Variants in DNAH17 observed in about 807,000 individuals in gnomAD.
DNAH17 encodes the protein axonemal beta dynein heavy chain 17.
DNAH17 carries 376 observed loss-of-function variants against 485.6 expected under a neutral mutation model. That is an observed-to-expected ratio of 0.77 (90% CI 0.71 to 0.84). The LOEUF (loss-of-function observed/expected upper bound fraction) is 0.84. DNAH17 is among the 40% of genes least tolerant of loss of function. The pLI, the probability that DNAH17 is intolerant of heterozygous loss-of-function variation, is 0.00. For synonymous variants in DNAH17, 3,031 were observed against 2,405.9 expected (o/e 1.26, Z -7.60); for missense variants, 6,370 against 5,839.3 (o/e 1.09, Z -2.96).
chr17:78,494,521 C>G, intron 40 of DNAH17, 72 bp downstream of exon 40: 3 of 1,502,408 alleles, frequency 2.0e-6, no homozygotes, highest in Non-Finnish European at 2.8e-6. Flanking sequence ...CTCCACCCGT[C>G]CAACATCAGT....
Position 78,486,300 on chromosome 17 carries a change from GA to G in DNAH17, c.7024del (p.Ser2342ProfsTer110), listed in dbSNP as rs2089606323. 6.2e-7 allele frequency: 1 copy of G among 1,612,838 alleles called. No individual in the cohort carries two copies. ...LLTEKTVPPD[S>X]PRELYELYFV... is the part of the protein sequence containing the mutation. Reference sequence around the variant, plus strand: ...GTACAGCTCGTACAGCTCCCTGGGGGAGTCGGGGGGCACGGTCTTCTCCGTG... The same window carrying G: ...GTACAGCTCGTACAGCTCCCTGGGGGGTCGGGGGGCACGGTCTTCTCCGTG... On this transcript the variant is annotated frameshift_variant, in exon 45 of 81. Coordinates refer to ENST00000389840, the MANE Select transcript of DNAH17 (RefSeq NM_173628.4). LOFTEE classifies it high-confidence loss of function.
chr17:78,522,126 A>C, intron 25 of DNAH17: 1 of 157,478 alleles, frequency 6.4e-6, no homozygotes, highest in South Asian at 1.8e-4. Flanking sequence ...AGAACGCTCA[A>C]AATTTAACAG....
At chr17:78,548,036 T>C (rs2091811914) in intron 16 of DNAH17, among the ~76,000 whole-genome samples, 1 of 152,210 alleles carries the variant, frequency 6.6e-6, no homozygotes, top group Non-Finnish European at 1.5e-5. Flanking sequence ...CTCCGTTTAA[T>C]ATATCCACTG....
In DNAH17 at chr17:78,484,851, G is replaced by C; in HGVS notation, c.7649+17C>G. On this transcript the variant is annotated intron_variant, in intron 48 of 80. Transcript: ENST00000389840. Reference sequence around the variant, plus strand: ...CCCCGGGGCCACGCCTTCCCCTCCGGCCCCGCCCCGTCTAACCAGTGCCGG... The same window carrying C: ...CCCCGGGGCCACGCCTTCCCCTCCGCCCCCGCCCCGTCTAACCAGTGCCGG... The C allele has an allele frequency of 6.6e-7, 1 of 1,525,748 alleles. No individual in the cohort carries two copies. The highest frequency in any genetic ancestry group is 8.8e-7 in the Non-Finnish European group (1 of 1,134,562). The allele number at this position is 1,525,748 out of a possible 1,614,324, so 94.5% of individuals were successfully genotyped here.
chr17:78,470,312 C>T (rs1410764159), intron 54 of DNAH17, among the ~76,000 whole-genome samples: 1 of 150,704 alleles, frequency 6.6e-6, no homozygotes, highest in Non-Finnish European at 1.5e-5. Context: ...AAGTGATCTG[C>T]CCACCTCGGC....
Position 78,428,678 on chromosome 17 carries a change from C to T in DNAH17, c.12435G>A (p.Leu4145=), listed in dbSNP as rs2086567611. ...KGYHEYIDEN[L]PPESPYLYGL... ...CATACAGATAGGGACTCTCAGGGGG[C>T]AGGTTCTCATCGATGTATTCGTGGT... The change falls in exon 77 of 81, where the codon CTG becomes CTA. Residue 4145 remains leucine (L), a synonymous_variant. Transcript: ENST00000389840. The T allele has an allele frequency of 6.2e-7, 1 of 1,613,964 alleles. No individual in the cohort carries two copies. The highest frequency in any genetic ancestry group is 8.5e-7 in the Non-Finnish European group (1 of 1,179,902).
rs1488384367 is a variant in DNAH17 at position 78,428,432 on chromosome 17, G to C, written c.12588+93C>G. The C allele has an allele frequency of 7.6e-6, 11 of 1,453,908 alleles. No individual in the cohort carries two copies. The East Asian group carries it at 2.5e-4, about 33-fold the overall frequency. The allele number at this position is 1,453,908 out of a possible 1,614,324, so 90.1% of individuals were successfully genotyped here. Reference sequence around the variant, plus strand: ...GGGGCAGAGTGTACCTCACCAGCAAGTTCCCCTGTACTGCCGCCAGTCCCT... The same window carrying C: ...GGGGCAGAGTGTACCTCACCAGCAACTTCCCCTGTACTGCCGCCAGTCCCT... On this transcript the variant is annotated intron_variant, in intron 77 of 80. Transcript: ENST00000389840.
In DNAH17 at chr17:78,485,950, G is replaced by A; in HGVS notation, c.7275+10C>T. On this transcript the variant is annotated intron_variant, in intron 46 of 80. Transcript: ENST00000389840. ...TCACCAGTCGGTGGCCCTGCTTTGG[G>A]GACAGTTACCTGCAGTGGGACATCG... is the stretch of plus-strand genomic sequence containing the variant. The A allele has an allele frequency of 6.2e-7, 1 of 1,610,342 alleles. No homozygotes were observed. The highest frequency in any genetic ancestry group is 8.5e-7 in the Non-Finnish European group (1 of 1,179,138).
chr17:78,429,392 C>A (rs1334224637), intron 75 of DNAH17, 92 bp from the exon 76 acceptor site: 2 of 1,393,012 alleles, frequency 1.4e-6, no homozygotes, highest in South Asian at 2.6e-5. Context: ...GGCGTGGGAA[C>A]CCAGCCATTG....
In DNAH17 at chr17:78,426,613, C is replaced by T. The variant is rs190079756; in HGVS notation, c.12772-13G>A. On this transcript the variant is annotated splice_polypyrimidine_tract_variant and intron_variant, in intron 78 of 80. Coordinates refer to ENST00000389840, the MANE Select transcript of DNAH17 (RefSeq NM_173628.4). ...TGGTCAGTTCTCCCTAGGAGACACA[C>T]AGATGGGTGTGGGGAGCCCTGAGCT... is the stretch of plus-strand genomic sequence containing the variant. 7 of 1,593,452 alleles carry T rather than the reference C, an allele frequency of 4.4e-6. No individual in the cohort carries two copies. The East Asian group carries it at 1.6e-4, about 36-fold the overall frequency.
rs542937930 is a variant in DNAH17, at chr17:78,552,327, C to T, written c.2287+370G>A. 1.1e-3 allele frequency among the ~76,000 whole-genome samples: 160 copies of T among 152,306 alleles called. 2 individuals are homozygous for T. The highest frequency in any genetic ancestry group is 3.5e-3 in the African/African-American group (145 of 41,568). On this transcript the variant is annotated intron_variant, in intron 15 of 80. Coordinates refer to ENST00000389840, the MANE Select transcript of DNAH17 (RefSeq NM_173628.4). ...ACTACACTTCTTCCTACTTTGCTGA[C>T]GTCTGCCCTGAGTTAGCCAAGATGT...
chr17:78,507,781 A>G lies in DNAH17; in HGVS notation c.4261T>C (p.Trp1421Arg). 1 of 1,582,168 alleles carries G rather than the reference A, an allele frequency of 6.3e-7. No individual in the cohort carries two copies. The highest frequency in any genetic ancestry group is 1.1e-5 in the South Asian group (1 of 88,828). The stretch of plus-strand genomic sequence containing the variant: ...TCGTGCTGGAATTCCATCATGCTCC[A>G]GGTACTGTCCAGGGCTTTCAGCACC... ...EKVLKALDST[W>R]SMMEFQHEPH... Residue 1421 changes from tryptophan to arginine, a missense_variant, in exon 28 of 81, where the codon TGG becomes CGG. Trp to Arg is a moderately radical substitution (Grantham distance 101). Transcript: ENST00000389840.
intron 61 of DNAH17, 146 bp from the exon 62 acceptor site, chr17:78,458,826 G>C (rs1298230073): frequency 2.0e-6 from 2 of 1,020,516 alleles, no homozygotes; most frequent in Non-Finnish European, 3.0e-6. Flanking sequence ...TGGAGGCTAA[G>C]GACACCAAGC....
At chr17:78,465,143 G>A (rs907320760) in intron 56 of DNAH17, among the ~76,000 whole-genome samples, 1 of 152,226 alleles carries the variant, frequency 6.6e-6, no homozygotes, top group Non-Finnish European at 1.5e-5. Flanking sequence ...TGTTGCCCAG[G>A]CCAGTCTCCA....
At chr17:78,428,300 T>C in intron 77 of DNAH17, 2 of 592,036 alleles carry the variant, frequency 3.4e-6, no homozygotes, top group Admixed American at 5.4e-5. Flanking sequence ...GGATCCCTTT[T>C]GTCTGGGCCC....
intron 14 of DNAH17, among the ~76,000 whole-genome samples, chr17:78,557,636 C>CAAAAAAAAAAAAAAAAAAAAAAAA (rs34251460): frequency 3.4e-5 from 1 of 29,016 alleles, no homozygotes; most frequent in Non-Finnish European, 7.0e-5. Context: ...GAGACTGTCT[C>CAAAAAAAAAAAAAAAAAAAAAAAA]AAAAAAAAAA....
chr17:78,547,339 T>G (rs4969154), intron 16 of DNAH17, among the ~76,000 whole-genome samples: 1 of 152,022 alleles, frequency 6.6e-6, no homozygotes, highest in Non-Finnish European at 1.5e-5. Flanking sequence ...TTGTCAGGAG[T>G]CTTTCTCAAG....
intron 54 of DNAH17, among the ~76,000 whole-genome samples, chr17:78,474,129 C>T (rs1461165278): frequency 6.6e-6 from 1 of 152,226 alleles, no homozygotes; most frequent in Non-Finnish European, 1.5e-5. Context: ...TGCCTGCAGA[C>T]ACCTCCCACT....
At chr17:78,437,563 T>G (rs2086889124) in intron 74 of DNAH17, 78 bp downstream of exon 74, 1 of 1,160,454 alleles carries the variant, frequency 8.6e-7, no homozygotes, top group Admixed American at 2.2e-5. Context: ...CGGTCCTCAG[T>G]GGTCCTCGGG....
Sources: allele counts gnomAD v4.1 joint callset (sites outside exome capture counted in the v4.1 genomes callset), GRCh38; gene constraint gnomAD v4.1.1; transcripts MANE v1.5; gene names NCBI Gene and HGNC (gene_info 2026-07-23, HGNC 2026-07-21).